COL11A1: variants seen among roughly 807,000 people sequenced by gnomAD.
The protein encoded by COL11A1 is collagen alpha-1(XI) chain.
COL11A1 carries 74 observed loss-of-function variants against 265.2 expected under a neutral mutation model. That is an observed-to-expected ratio of 0.28 (90% CI 0.23 to 0.34). The LOEUF is 0.34. Among genes scored for constraint, COL11A1 ranks in the 10% least tolerant of loss-of-function variants. The probability of loss-of-function intolerance (pLI) is 1.00; values close to 1 mark genes in which losing one functional copy is unlikely to be tolerated. For synonymous variants in COL11A1, 816 were observed against 727.6 expected (o/e 1.12, Z -1.96); for missense variants, 2,165 against 2,263.6 (o/e 0.96, Z 0.88).
At chr1:102,979,014 A>C (rs564312430) in intron 33 of COL11A1, 46 bp downstream of exon 33, 1 of 1,610,154 alleles carries the variant, frequency 6.2e-7, no homozygotes, top group South Asian at 1.1e-5. Context: ...TTGATACACT[A>C]AATTCAATAT....
At chr1:103,054,029 C>T (rs1372272024) in intron 4 of COL11A1, among the ~76,000 whole-genome samples, 1 of 152,094 alleles carries the variant, frequency 6.6e-6, no homozygotes, top group East Asian at 1.9e-4. Flanking sequence ...GTGGTATCCC[C>T]TGAGATTTTC....
intron 39 of COL11A1, 134 bp from the exon 40 acceptor site, chr1:102,962,399 G>A: frequency 1.3e-6 from 1 of 788,588 alleles, no homozygotes; most frequent in Non-Finnish European, 2.2e-6. Context: ...TGGGTGGAAT[G>A]CCATATGCAT....
intron 1 of COL11A1, among the ~76,000 whole-genome samples, chr1:103,107,491 TC>T (rs1674791622): frequency 7.1e-6 from 1 of 140,388 alleles, no homozygotes; most frequent in African/African-American, 2.6e-5. Context: ...AGATTGACCC[TC>T]CCCCGCCCCC....
intron 12 of COL11A1, 147 bp downstream of exon 12, chr1:103,015,521 T>C (rs1351434511): frequency 1.0e-5 from 6 of 577,018 alleles, no homozygotes; most frequent in Non-Finnish European, 1.8e-5. Context: ...AAAATTTCCC[T>C]GAATTTCCAA....
At chr1:102,878,520 CT>C (rs1032533150) in intron 66 of COL11A1, among the ~76,000 whole-genome samples, 4,847 of 46,808 alleles carry the variant, frequency 0.1, 343 homozygotes, top group African/African-American at 0.22. Flanking sequence ...TCTTTTCTTT[CT>C]TTTTTTTTTT....
intron 9 of COL11A1, among the ~76,000 whole-genome samples, chr1:103,019,695 G>C (rs539396300): frequency 6.7e-6 from 1 of 149,922 alleles, no homozygotes; most frequent in Admixed American, 6.6e-5. Flanking sequence ...CCACTAACTC[G>C]TCATCTAGCA....
chr1:102,980,578 T>C (rs1662942835), intron 31 of COL11A1, among the ~76,000 whole-genome samples: 1 of 152,110 alleles, frequency 6.6e-6, no homozygotes. Flanking sequence ...GTGAGAATAC[T>C]AGACATCAAA....
chr1:102,933,559 C>G (rs1445859589), intron 46 of COL11A1, among the ~76,000 whole-genome samples: 1 of 152,158 alleles, frequency 6.6e-6, no homozygotes, highest in African/African-American at 2.4e-5. Flanking sequence ...AGTGCTCTGC[C>G]CCCCAGAGGT....
chr1:102,945,422 C>G (rs1659165594), intron 42 of COL11A1, among the ~76,000 whole-genome samples: 1 of 152,084 alleles, frequency 6.6e-6, no homozygotes. Context: ...ATTACCCAGT[C>G]TGTGGTATTC....
At chr1:102,988,601 AAG>A (rs1663815179) in intron 29 of COL11A1, among the ~76,000 whole-genome samples, 2 of 151,990 alleles carry the variant, frequency 1.3e-5, no homozygotes, top group African/African-American at 4.8e-5. Flanking sequence ...GTTCATGAAA[AAG>A]AGGCTTGAAA....
In COL11A1 at chr1:102,978,769, A is replaced by G. The variant is rs781398877; in HGVS notation, c.2710-17T>C. 2.5e-6 allele frequency: 4 copies of G among 1,614,200 alleles called. No individual in the cohort carries two copies. In the Admixed American group the frequency reaches 6.7e-5, roughly 27 times the overall value. ...TGAAGTGCCCTGGCACCAAGAAAAG[A>G]AAAGAAAAATCAGTTTGAATTCTTT... On this transcript the variant is annotated splice_polypyrimidine_tract_variant and intron_variant, in intron 34 of 66. Coordinates refer to ENST00000370096, the MANE Select transcript of COL11A1 (RefSeq NM_001854.4).
At chr1:103,097,799 G>A (rs1673903377) in intron 1 of COL11A1, among the ~76,000 whole-genome samples, 1 of 151,950 alleles carries the variant, frequency 6.6e-6, no homozygotes, top group African/African-American at 2.4e-5. Flanking sequence ...GTATTAATTA[G>A]CTTTTCACTC....
chr1:103,041,215 A>T (rs1344246001), intron 4 of COL11A1, among the ~76,000 whole-genome samples: 1 of 151,876 alleles, frequency 6.6e-6, no homozygotes, highest in African/African-American at 2.4e-5. Flanking sequence ...TAAATTTTAG[A>T]TTTATTTTTA....
chr1:103,105,585 T>C (rs1231486080), intron 1 of COL11A1, among the ~76,000 whole-genome samples: 1 of 152,148 alleles, frequency 6.6e-6, no homozygotes, highest in Non-Finnish European at 1.5e-5. Flanking sequence ...GTATCTGTTT[T>C]AAATTATCTT....
At chr1:102,906,969 G>T (rs1654053295) in intron 54 of COL11A1, among the ~76,000 whole-genome samples, 1 of 152,062 alleles carries the variant, frequency 6.6e-6, no homozygotes, top group African/African-American at 2.4e-5. Context: ...AAGCAATTAA[G>T]CATGCCAGTT....
chr1:103,006,698 C>T (rs1337114746), intron 15 of COL11A1, among the ~76,000 whole-genome samples: 1 of 151,714 alleles, frequency 6.6e-6, no homozygotes, highest in African/African-American at 2.4e-5. Flanking sequence ...CCACTATGCC[C>T]GGCTAATTTT....
At chr1:103,103,750 CACA>C (rs1343451911) in intron 1 of COL11A1, among the ~76,000 whole-genome samples, 1 of 44,036 alleles carries the variant, frequency 2.3e-5, no homozygotes, top group Non-Finnish European at 1.7e-4. Context: ...TTGTTGATTG[CACA>C]ACAGATATCA....
chr1:103,078,709 G>A lies in COL11A1; in HGVS notation c.437C>T (p.Pro146Leu), dbSNP rs543199135. The A allele has an allele frequency of 7.4e-6, 12 of 1,613,410 alleles. No individual in the cohort carries two copies. In the Admixed American group the frequency reaches 1.3e-4, roughly 18 times the overall value. The change falls in exon 3 of 67, where the codon CCT becomes CTT. Residue 146 changes from proline to leucine, a missense_variant. Physicochemically the swap from Pro to Leu is moderately conservative, Grantham distance 98. Transcript: ENST00000370096. ...GAAGAGGGGATAGTCTTCTGGGGCA[G>A]GTTTTCCAGTGTGGTCTTCAAACAG... ...VFLFEDHTGK[P>L]APEDYPLFRT...
intron 46 of COL11A1, among the ~76,000 whole-genome samples, chr1:102,928,577 C>A (rs1656938894): frequency 6.6e-6 from 1 of 150,846 alleles, no homozygotes; most frequent in African/African-American, 2.4e-5. Flanking sequence ...GCATGTACAG[C>A]AGCATGATTT....
Sources: gnomAD v4.1 joint callset for allele counts (sites outside exome capture counted in the v4.1 genomes callset) on GRCh38, gnomAD v4.1.1 for gene constraint, MANE v1.5 for transcripts, NCBI Gene and HGNC (gene_info 2026-07-23, HGNC 2026-07-21) for gene names.